Variants in FLT4 observed in about 807,000 individuals in gnomAD.
FLT4 encodes vascular endothelial growth factor receptor 3.
In FLT4, 30 loss-of-function variants were observed where a neutral mutation model predicts 163.2. The ratio of observed to expected loss-of-function variants is 0.18; its 90% CI spans 0.14 to 0.25. The LOEUF is 0.25. Ranked by LOEUF, FLT4 falls within the 10% of genes least tolerant of loss-of-function variation. The pLI is 1.00. For missense variants in FLT4, 1,510 were observed against 1,863.8 expected, an observed-to-expected ratio of 0.81 and a Z score of 3.50; for synonymous variants, 884 against 789.5, an observed-to-expected ratio of 1.12 and a Z score of -2.01.
In FLT4 at chr5:180,623,480, G is replaced by C. The variant is rs1355048281; in HGVS notation, c.1548+455C>G. On this transcript the variant is annotated intron_variant, in intron 11 of 29. Coordinates refer to ENST00000261937, the MANE Select transcript of FLT4 (RefSeq NM_182925.5). This position sits in a 1 kb window ranked among gnomAD's most constrained non-coding sequence, Gnocchi z 5.8. Reference sequence around the variant, plus strand: ...GCTGGGCACTTCCTGTCCAGGACTGGAACAGGAAGAGGCTCTGGAGGTGTG... The same window carrying C: ...GCTGGGCACTTCCTGTCCAGGACTGCAACAGGAAGAGGCTCTGGAGGTGTG... Among the ~76,000 whole-genome samples, 1 of 151,882 alleles carries C rather than the reference G, an allele frequency of 6.6e-6. No individual in the cohort carries two copies. The highest frequency in any genetic ancestry group is 2.4e-5 in the African/African-American group (1 of 41,364).
chr5:180,621,820 T>C lies in FLT4; in HGVS notation c.1742A>G (p.Asp581Gly), dbSNP rs1327228282. The C allele has an allele frequency of 6.2e-7, 1 of 1,613,214 alleles. No individual in the cohort carries two copies. Among genetic ancestry groups the C allele is most frequent in the Non-Finnish European group, 8.5e-7 (1 of 1,179,962 alleles). Residue 581 changes from aspartate to glycine, a missense_variant, in exon 13 of 30, where the codon GAC becomes GGC. By Grantham distance (94) the Asp-to-Gly change is moderately conservative. Transcript: ENST00000261937. ...GQPVLLSCQA[D>G]SYKYEHLRWY... ...GCGCAGATGCTCGTACTTGTAGCTG[T>C]CGGCTTGGCAGCTCAGGAGCACCGG...
intron 29 of FLT4, among the ~76,000 whole-genome samples, chr5:180,606,920 C>CAAAAAAAA (rs1395893411): frequency 3.5e-5 from 5 of 142,162 alleles, no homozygotes; most frequent in South Asian, 4.4e-4. Context: ...AAAAAACAAA[C>CAAAAAAAA]AAACAAACTT....
In FLT4 at chr5:180,626,224, T is replaced by C; in HGVS notation, c.1145A>G (p.His382Arg). ...GKALSGRHSP[H>R]ALVLKEVTEA... ...TGTCACCTCCTTGAGCACCAGGGCA[T>C]GTGGACTGTGGCGCCCGGACAGTGC... The change falls in exon 9 of 30, where the codon CAT (histidine) becomes CGT (arginine). Residue 382 changes from histidine (H) to arginine (R), a missense_variant. Coordinates refer to ENST00000261937, the MANE Select transcript of FLT4 (RefSeq NM_182925.5). 2 of 1,612,776 alleles carry C rather than the reference T, an allele frequency of 1.2e-6. No individual in the cohort carries two copies.
chr5:180,611,071 A>G (rs948570779), intron 27 of FLT4, among the ~76,000 whole-genome samples: 6 of 152,152 alleles, frequency 3.9e-5, no homozygotes, highest in African/African-American at 1.4e-4. Flanking sequence ...AAATAAATAA[A>G]TAAATAAAAA....
Position 180,649,276 on chromosome 5 carries a change from G to A in FLT4, c.58+212C>T, listed in dbSNP as rs952899173. Among the ~76,000 whole-genome samples the A allele has an allele frequency of 3.9e-5, 6 of 151,966 alleles. No homozygotes were observed. In the East Asian group the frequency reaches 9.7e-4, roughly 25 times the overall value. ...CGCCGAGGCGCGGCCCGGCCGCCCTGGCCCTGACCCGGCTGCGGTCCCCGC... is the reference window on the plus strand; with the variant it reads ...CGCCGAGGCGCGGCCCGGCCGCCCTAGCCCTGACCCGGCTGCGGTCCCCGC... On this transcript the variant is annotated intron_variant, in intron 1 of 29. Transcript: ENST00000261937.
At chr5:180,611,938 G>A (rs1039682295) in intron 26 of FLT4, among the ~76,000 whole-genome samples, 1 of 152,104 alleles carries the variant, frequency 6.6e-6, no homozygotes, top group Non-Finnish European at 1.5e-5. Context: ...CAGGAACTGG[G>A]GCCAGCACTC....
chr5:180,620,736 C>T lies in FLT4; in HGVS notation c.2300-21G>A, dbSNP rs750375789. On this transcript the variant is annotated intron_variant, in intron 15 of 29. Coordinates refer to ENST00000261937, the MANE Select transcript of FLT4 (RefSeq NM_182925.5). The surrounding 1 kb of genome is among the most constrained non-coding windows in gnomAD (Gnocchi z 4.4). ...GGAGCCTGCGTGGGCAGAAAGGGGC[C>T]GGCGTGTGTGTGTGTGTGTGTAAGA... 10 of 1,521,266 alleles carry T rather than the reference C, an allele frequency of 6.6e-6. No homozygotes were observed. The highest frequency in any genetic ancestry group is 6.4e-6 in the Non-Finnish European group (7 of 1,099,554). The allele number at this position is 1,521,266 out of a possible 1,614,324, so 94.2% of individuals were successfully genotyped here.
At chr5:180,613,783 G>C (rs1762400318) in intron 24 of FLT4, 1 of 495,878 alleles carries the variant, frequency 2.0e-6, no homozygotes, top group Non-Finnish European at 3.7e-6. Flanking sequence ...TGCTGACTGG[G>C]CACTGAGCTC....
At chr5:180,622,940 C>G (rs1191448004) in intron 11 of FLT4, 101 bp from the exon 12 acceptor site, 4 of 779,662 alleles carry the variant, frequency 5.1e-6, no homozygotes, top group Admixed American at 2.0e-5. Context: ...CCCCCCCAAT[C>G]ATGGGGGAAA....
chr5:180,631,884 C>T lies in FLT4; in HGVS notation c.59-106G>A, dbSNP rs909577752. ...TCGCAAGCGCAGACCCCTGCAGGGC[C>T]GGAGCAGCTCAGGTTCTCAGCCAGC... On this transcript the variant is annotated intron_variant, in intron 1 of 29. Coordinates refer to ENST00000261937, the MANE Select transcript of FLT4 (RefSeq NM_182925.5). The T allele has an allele frequency of 6.1e-4, 483 of 788,204 alleles. 4 individuals carry two copies. Among genetic ancestry groups the T allele is most frequent in the Non-Finnish European group, 2.2e-4 (104 of 465,360 alleles). 48.8% of individuals were successfully genotyped at this position (788,204 alleles called of 1,614,324 possible). A position where few individuals can be genotyped will look rare whatever the true frequency, so the allele number is the denominator to read the frequency against.
Position 180,625,965 on chromosome 5 carries a change from G to A in FLT4, c.1325C>T (p.Ala442Val), listed in dbSNP as rs367879842. Residue 442 changes from alanine (A) to valine (V), a missense_variant, in exon 10 of 30, where the codon GCC becomes GTC. Ala to Val is a moderately conservative substitution (Grantham distance 64). Coordinates refer to ENST00000261937, the MANE Select transcript of FLT4 (RefSeq NM_182925.5). Reference protein sequence around the residue: ...PSIYSRHSRQALTCTAYGVPL... With the variant: ...PSIYSRHSRQVLTCTAYGVPL... ...CACCCCGTAGGCCGTGCAGGTGAGG[G>A]CCTGGCGGCTGTGACGCGAGTAGAT... The A allele has an allele frequency of 1.0e-4, 166 of 1,612,814 alleles. No individual in the cohort carries two copies. The highest frequency in any genetic ancestry group is 6.0e-4 in the Admixed American group (36 of 60,028).
chr5:180,603,409 T>A lies in FLT4; in HGVS notation c.3894-19A>T. The A allele has an allele frequency of 6.2e-7, 1 of 1,611,486 alleles. No homozygotes were observed. On this transcript the variant is annotated intron_variant, in intron 29 of 29. Transcript: ENST00000261937. The stretch of plus-strand genomic sequence containing the variant: ...TTTACAGCTGCCAAGACAGGGAAGG[T>A]GGTGTTAGTAAGAGAAGAAGGCTGG...
intron 1 of FLT4, among the ~76,000 whole-genome samples, chr5:180,642,206 G>GAA (rs56315811): frequency 3.0e-5 from 4 of 132,196 alleles, no homozygotes; most frequent in Non-Finnish European, 4.9e-5. Context: ...GACTCTGTGT[G>GAA]AAAAAAAAAA....
At position 180,628,965 on chromosome 5, in the gene FLT4, T is replaced by G; in HGVS notation, c.1020A>C (p.Gly340=). 6.2e-7 allele frequency: 1 copy of G among 1,612,478 alleles called. No homozygotes were observed. Among genetic ancestry groups the G allele is most frequent in the Non-Finnish European group, 8.5e-7 (1 of 1,179,874 alleles). ...CTCCTGCCGTGGCCTCCAGGATGGG[T>G]CCTTTGAGCCACTCGACGCTGATGA... ...NPFISVEWLK[G]PILEATAGDE... Residue 340 remains glycine, a synonymous_variant, in exon 8 of 30, where the codon GGA becomes GGC. Transcript: ENST00000261937.
Position 180,603,174 on chromosome 5 carries a change from G to C in FLT4, c.*18C>G, listed in dbSNP as rs1483719711. 1.9e-6 allele frequency: 3 copies of C among 1,613,036 alleles called. No homozygotes were observed. In the Admixed American group the frequency reaches 5.0e-5, roughly 27 times the overall value. On this transcript the variant is annotated 3_prime_UTR_variant, in exon 30 of 30. Coordinates refer to ENST00000261937, the MANE Select transcript of FLT4 (RefSeq NM_182925.5). Reference sequence around the variant, plus strand: ...CGGGCCTGAACCCCCAAGTGCTGGGGGTCTTGTCCGATGCTGCTTAGTAGC... The same window carrying C: ...CGGGCCTGAACCCCCAAGTGCTGGGCGTCTTGTCCGATGCTGCTTAGTAGC...
intron 1 of FLT4, among the ~76,000 whole-genome samples, chr5:180,643,654 G>A (rs1385938356): frequency 2.0e-5 from 3 of 151,896 alleles, no homozygotes; most frequent in South Asian, 2.1e-4. Context: ...CCACCCACCC[G>A]GTGCGGCTCC....
intron 1 of FLT4, among the ~76,000 whole-genome samples, chr5:180,644,679 C>T (rs963863734): frequency 1.3e-5 from 2 of 152,374 alleles, no homozygotes; most frequent in Admixed American, 1.3e-4. Context: ...ACGTGCCCTG[C>T]TGTGAAGCAA....
intron 1 of FLT4, among the ~76,000 whole-genome samples, chr5:180,633,184 G>A (rs938239137): frequency 4.6e-5 from 7 of 152,138 alleles, no homozygotes; most frequent in Non-Finnish European, 2.9e-5. Context: ...GGCCTCACAC[G>A]GGCAATGTGG....
chr5:180,619,242 C>G lies in FLT4; in HGVS notation c.2761+11G>C, dbSNP rs1329927233. The G allele has an allele frequency of 6.3e-7, 1 of 1,589,794 alleles. No homozygotes were observed. Among genetic ancestry groups the G allele is most frequent in the Non-Finnish European group, 8.6e-7 (1 of 1,168,804 alleles). On this transcript the variant is annotated intron_variant, in intron 19 of 29. Transcript: ENST00000261937. The stretch of plus-strand genomic sequence containing the variant: ...GGGTCTCGCCGTCCCAGCGGGCCGC[C>G]CGCTCCGTACCCTGCGGCTTGGTGC...
Sources: gnomAD v4.1 joint callset for allele counts (sites outside exome capture counted in the v4.1 genomes callset) on GRCh38, gnomAD v4.1.1 for gene constraint, Gnocchi (gnomAD v3.1) non-coding constraint, MANE v1.5 for transcripts, NCBI Gene and HGNC (gene_info 2026-07-23, HGNC 2026-07-21) for gene names.